Variants in GALNT13 observed in about 807,000 individuals in gnomAD.
GALNT13 encodes the protein polypeptide N-acetylgalactosaminyltransferase 13.
A neutral mutation model predicts 64.2 loss-of-function variants in GALNT13; 28 were observed. The ratio of observed to expected loss-of-function variants is 0.44; its 90% CI spans 0.32 to 0.60. The LOEUF (loss-of-function observed/expected upper bound fraction) is 0.60, where lower values mean the gene tolerates loss of function less well. GALNT13 is among the 20% of genes least tolerant of loss of function. The pLI, the probability that GALNT13 is intolerant of heterozygous loss-of-function variation, is 0.05. For missense variants in GALNT13, 577 were observed against 669.8 expected, an observed-to-expected ratio of 0.86 and a Z score of 1.53; for synonymous variants, 214 against 224.6, an observed-to-expected ratio of 0.95 and a Z score of 0.42.
chr2:153,715,080 G>GT, the GALNT13 span, among the ~76,000 whole-genome samples: 1 of 151,986 alleles, frequency 6.6e-6, no homozygotes, highest in Admixed American at 6.5e-5. Context: ...ATCATTCTTA[G>GT]TGAACTATCA....
chr2:153,460,298 T>C, the GALNT13 span, among the ~76,000 whole-genome samples: 4 of 152,166 alleles, frequency 2.6e-5, no homozygotes, highest in Admixed American at 6.5e-5. Flanking sequence ...CACCTGTATG[T>C]TATGTAACAA....
chr2:153,936,714 T>G (rs1190613743), intron 2 of GALNT13, among the ~76,000 whole-genome samples: 5 of 152,106 alleles, frequency 3.3e-5, no homozygotes, highest in Non-Finnish European at 7.4e-5. Context: ...GGAAGATATC[T>G]AATTAAATTT....
At chr2:153,400,094 G>T in the GALNT13 span, among the ~76,000 whole-genome samples, 2 of 151,816 alleles carry the variant, frequency 1.3e-5, no homozygotes, top group Non-Finnish European at 2.9e-5. Flanking sequence ...TTTGAAATAC[G>T]TCCCATCAAT....
intron 9 of GALNT13, among the ~76,000 whole-genome samples, chr2:154,351,430 T>A (rs914597931): frequency 6.6e-6 from 1 of 151,970 alleles, no homozygotes; most frequent in East Asian, 1.9e-4. Flanking sequence ...ACGCCTGTAA[T>A]CCCAGCACTT....
At chr2:153,934,490 T>C in intron 2 of GALNT13, among the ~76,000 whole-genome samples, 1 of 152,214 alleles carries the variant, frequency 6.6e-6, no homozygotes, top group East Asian at 1.9e-4. Context: ...CAGAATGGAC[T>C]TCTGTATTAG....
chr2:153,691,818 C>G, the GALNT13 span, among the ~76,000 whole-genome samples: 1 of 151,936 alleles, frequency 6.6e-6, no homozygotes, highest in African/African-American at 2.4e-5. Context: ...CTTTGGGAAA[C>G]AATTTTTGGC....
At chr2:154,328,909 T>A (rs1437774516) in intron 9 of GALNT13, among the ~76,000 whole-genome samples, 2 of 152,182 alleles carry the variant, frequency 1.3e-5, no homozygotes, top group Admixed American at 1.3e-4. Context: ...ATCTTGTTCA[T>A]GACATTAAGC....
the GALNT13 span, among the ~76,000 whole-genome samples, chr2:153,858,885 A>C: frequency 3.9e-5 from 6 of 152,024 alleles, no homozygotes; most frequent in African/African-American, 1.4e-4. Flanking sequence ...GGTGCCTGCC[A>C]CCATGCCCAA....
chr2:153,492,873 T>A, the GALNT13 span, among the ~76,000 whole-genome samples: 2 of 152,162 alleles, frequency 1.3e-5, no homozygotes, highest in Non-Finnish European at 1.5e-5. Context: ...TAAATTAGTA[T>A]TCATTTACAA....
intron 3 of GALNT13, among the ~76,000 whole-genome samples, chr2:153,960,115 G>T (rs1427318223): frequency 6.6e-6 from 1 of 152,222 alleles, no homozygotes; most frequent in South Asian, 2.1e-4. Flanking sequence ...AGCTTTGGTA[G>T]TGACAGACCT....
intron 8 of GALNT13, among the ~76,000 whole-genome samples, chr2:154,270,561 G>A (rs969125138): frequency 1.3e-5 from 2 of 151,688 alleles, no homozygotes; most frequent in Non-Finnish European, 3.0e-5. Context: ...CAAAGCAACC[G>A]AGAGGAAAGA....
chr2:153,894,247 G>A (rs1217749068), intron 1 of GALNT13, among the ~76,000 whole-genome samples: 1 of 152,084 alleles, frequency 6.6e-6, no homozygotes, highest in Non-Finnish European at 1.5e-5. Context: ...GACCCCACTT[G>A]AGAACCCACA....
chr2:154,452,717 T>G lies in GALNT13; in HGVS notation c.*2166T>G, dbSNP rs1701916550. 1 of 152,148 alleles carries G rather than the reference T, an allele frequency of 6.6e-6. No homozygotes were observed. The highest frequency in any genetic ancestry group is 2.1e-4 in the South Asian group (1 of 4,834). The allele number at this position is 152,148 out of a possible 1,614,324, so 9.4% of individuals were successfully genotyped here. A position where few individuals can be genotyped will look rare whatever the true frequency, so the allele number is the denominator to read the frequency against. On this transcript the variant is annotated 3_prime_UTR_variant, in exon 13 of 13. Transcript: ENST00000392825. ...ATTTTTAAACAATCTTCAGATGGCT[T>G]GAACACGTGCCATTATAGTATCTAA...
At chr2:154,196,933 T>C (rs1686909666) in intron 4 of GALNT13, among the ~76,000 whole-genome samples, 1 of 152,234 alleles carries the variant, frequency 6.6e-6, no homozygotes, top group South Asian at 2.1e-4. Flanking sequence ...TTTTTACTAT[T>C]ATTATATGTG....
the GALNT13 span, among the ~76,000 whole-genome samples, chr2:153,591,084 G>A: frequency 6.6e-5 from 10 of 152,110 alleles, no homozygotes; most frequent in East Asian, 1.9e-4. Context: ...ATTCCACCAC[G>A]AAAACTCTTA....
chr2:154,316,209 A>G (rs1458329072), intron 9 of GALNT13, among the ~76,000 whole-genome samples: 2 of 152,212 alleles, frequency 1.3e-5, no homozygotes, highest in Non-Finnish European at 2.9e-5. Flanking sequence ...TTGTGTCAGA[A>G]TTGTCATTAG....
the GALNT13 span, among the ~76,000 whole-genome samples, chr2:153,631,350 GGTATTTCTA>G: frequency 6.6e-6 from 1 of 152,096 alleles, no homozygotes; most frequent in Non-Finnish European, 1.5e-5. Flanking sequence ...TGGGTCAAAT[GGTATTTCTA>G]GTTCTAGATC....
the GALNT13 span, among the ~76,000 whole-genome samples, chr2:153,566,958 C>T: frequency 6.6e-6 from 1 of 152,142 alleles, no homozygotes; most frequent in Non-Finnish European, 1.5e-5. Flanking sequence ...TATGTAATTG[C>T]CCAATGTCAT....
intron 4 of GALNT13, among the ~76,000 whole-genome samples, chr2:154,178,937 C>G (rs1351758839): frequency 6.6e-6 from 1 of 152,188 alleles, no homozygotes; most frequent in East Asian, 1.9e-4. Flanking sequence ...TATCTGCAGC[C>G]TCAGTCCCAA....
Sources: allele counts gnomAD v4.1 joint callset (sites outside exome capture counted in the v4.1 genomes callset), GRCh38; gene constraint gnomAD v4.1.1; transcripts MANE v1.5; gene names NCBI Gene and HGNC (gene_info 2026-07-23, HGNC 2026-07-21).